Variants in TNFRSF1B observed in about 807,000 individuals in gnomAD.
TNFRSF1B encodes the protein TNF receptor superfamily member 1B, also known as tumor necrosis factor receptor superfamily member 1B.
TNFRSF1B carries 19 observed loss-of-function variants against 44.6 expected under a neutral mutation model. The observed-to-expected ratio is 0.43, with a 90% CI of 0.30 to 0.62. TNFRSF1B has a LOEUF of 0.62. Ranked by LOEUF, TNFRSF1B falls within the 20% of genes least tolerant of loss-of-function variation. The pLI, the probability that TNFRSF1B is intolerant of heterozygous loss-of-function variation, is 0.16. For missense variants in TNFRSF1B, 541 were observed against 619.9 expected (o/e 0.87, Z 1.35); for synonymous variants, 252 against 261.1 (o/e 0.97, Z 0.34).
intron 1 of TNFRSF1B, among the ~76,000 whole-genome samples, chr1:12,183,826 CCTATCTATCTAT>C (rs111395466): frequency 2.4e-5 from 3 of 124,386 alleles, no homozygotes; most frequent in African/African-American, 5.9e-5. Flanking sequence ...ATTCTATCTA[CCTATCTATCTAT>C]CTATCTATCT....
At chr1:12,183,656 T>TTATCTATCTATCTATCTATCTATCTATC (rs76161807) in intron 1 of TNFRSF1B, among the ~76,000 whole-genome samples, 1 of 125,280 alleles carries the variant, frequency 8.0e-6, no homozygotes, top group Non-Finnish European at 1.7e-5. Context: ...TTTATCTATT[T>TTATCTATCTATCTATCTATCTATCTATC]TATCTATCTA....
In TNFRSF1B at chr1:12,167,009, G is replaced by C; in HGVS notation, c.-83G>C. 1 of 1,044,974 alleles carries C rather than the reference G, an allele frequency of 9.6e-7. No homozygotes were observed. Among genetic ancestry groups the C allele is most frequent in the Non-Finnish European group, 1.2e-6 (1 of 814,422 alleles). The allele number at this position is 1,044,974 out of a possible 1,614,324, so 64.7% of individuals were successfully genotyped here. A position where few individuals can be genotyped will look rare whatever the true frequency, so the allele number is the denominator to read the frequency against. Reference sequence around the variant, plus strand: ...CGCTTTCAGTCGAGGGCTAGCGAGCGCAGCGGAGCCTGGAGAGAAGGCGCT... The same window carrying C: ...CGCTTTCAGTCGAGGGCTAGCGAGCCCAGCGGAGCCTGGAGAGAAGGCGCT... On this transcript the variant is annotated 5_prime_UTR_variant, in exon 1 of 10. Coordinates refer to ENST00000376259, the MANE Select transcript of TNFRSF1B (RefSeq NM_001066.3).
At chr1:12,176,020 C>G (rs1186807384) in intron 1 of TNFRSF1B, among the ~76,000 whole-genome samples, 5 of 151,366 alleles carry the variant, frequency 3.3e-5, no homozygotes, top group East Asian at 3.9e-4. Flanking sequence ...TTGGAGACCA[C>G]CCTGGCCAAC....
intron 1 of TNFRSF1B, among the ~76,000 whole-genome samples, chr1:12,173,937 C>T (rs961788394): frequency 4.6e-5 from 7 of 152,104 alleles, no homozygotes; most frequent in Non-Finnish European, 8.8e-5. Context: ...GAGGAAGTGT[C>T]TGTTCGCTGA....
chr1:12,202,158 C>G lies in TNFRSF1B; in HGVS notation c.1092C>G (p.Ser364Arg). 1 of 1,549,288 alleles carries G rather than the reference C, an allele frequency of 6.5e-7. No homozygotes were observed. Among genetic ancestry groups the G allele is most frequent in the Non-Finnish European group, 8.7e-7 (1 of 1,148,204 alleles). ...EASGAGEARASTGSSDSSPGG... is the reference protein window; with the variant it reads ...EASGAGEARARTGSSDSSPGG... ...GTGGGGCCGGGGAGGCCCGGGCCAG[C>G]ACCGGGAGCTCAGGTAAGAGGTGGG... is the stretch of plus-strand genomic sequence containing the variant. The change falls in exon 9 of 10, where the codon AGC (serine) becomes AGG (arginine). Residue 364 changes from serine (S) to arginine (R), a missense_variant. Transcript: ENST00000376259.
chr1:12,182,313 C>T (rs1638829932), intron 1 of TNFRSF1B, among the ~76,000 whole-genome samples: 1 of 152,192 alleles, frequency 6.6e-6, no homozygotes, highest in South Asian at 2.1e-4. Flanking sequence ...CTCACCCTCA[C>T]CCACCCGCTC....
At chr1:12,167,495 C>A (rs1638420191) in intron 1 of TNFRSF1B, 1 of 427,642 alleles carries the variant, frequency 2.3e-6, no homozygotes. Context: ...TGGGCAGACC[C>A]CCGCTAGACC....
At chr1:12,183,703 TCTA>T (rs1210894617) in intron 1 of TNFRSF1B, among the ~76,000 whole-genome samples, 1,245 of 116,818 alleles carry the variant, frequency 0.011, 19 homozygotes, top group African/African-American at 0.021. Context: ...TATCTATCTA[TCTA>T]TCTATTCTAT....
intron 6 of TNFRSF1B, among the ~76,000 whole-genome samples, chr1:12,193,578 A>C (rs575850686): frequency 2.0e-5 from 3 of 152,230 alleles, no homozygotes; most frequent in Non-Finnish European, 4.4e-5. Context: ...TCTCAAAAAC[A>C]AAACAAAACC....
At chr1:12,179,412 C>T (rs1638739998) in intron 1 of TNFRSF1B, among the ~76,000 whole-genome samples, 1 of 152,232 alleles carries the variant, frequency 6.6e-6, no homozygotes, top group African/African-American at 2.4e-5. Flanking sequence ...CCAAATGCCT[C>T]TGCTGCCTCC....
chr1:12,192,709 A>C (rs1357694340), intron 5 of TNFRSF1B, among the ~76,000 whole-genome samples, 154 bp from the exon 6 acceptor site: 5 of 137,950 alleles, frequency 3.6e-5, no homozygotes, highest in Non-Finnish European at 7.9e-5. Context: ...GGGTGGGTGC[A>C]TGGGGAGGTG....
In TNFRSF1B at chr1:12,192,259, C is replaced by T. The variant is rs28674597; in HGVS notation, c.458-172C>T. ...GTGTGTACAGGAATCTGTGTGTGTG[C>T]ATGTGTGTACAGGCATCTGTGTGTG... On this transcript the variant is annotated intron_variant, in intron 4 of 9. Coordinates refer to ENST00000376259, the MANE Select transcript of TNFRSF1B (RefSeq NM_001066.3). 5 of 712,362 alleles carry T rather than the reference C, an allele frequency of 7.0e-6. No homozygotes were observed. In the African/African-American group the frequency reaches 7.1e-5, roughly 10 times the overall value. The allele number at this position is 712,362 out of a possible 1,614,324, so 44.1% of individuals were successfully genotyped here. A position where few individuals can be genotyped will look rare whatever the true frequency, so the allele number is the denominator to read the frequency against.
rs113060175 is a variant in TNFRSF1B, at chr1:12,178,090, G to T, written c.79-10706G>T. On this transcript the variant is annotated intron_variant, in intron 1 of 9. Transcript: ENST00000376259. This position sits in a 1 kb window ranked among gnomAD's most constrained non-coding sequence, Gnocchi z 4.3. ...GTGGTGGTGGAGGAGACCGTGAGCC[G>T]CTGTCACCTGAACACTGGTGCACTC... 6.6e-6 allele frequency among the ~76,000 whole-genome samples: 1 copy of T among 152,222 alleles called. No individual in the cohort carries two copies. The highest frequency in any genetic ancestry group is 1.5e-5 in the Non-Finnish European group (1 of 68,044).
At chr1:12,179,212 G>C (rs1429483189) in intron 1 of TNFRSF1B, among the ~76,000 whole-genome samples, 1 of 152,182 alleles carries the variant, frequency 6.6e-6, no homozygotes, top group Non-Finnish European at 1.5e-5. Flanking sequence ...AGCGAGTCGG[G>C]AGTGGGATGT....
At position 12,180,751 on chromosome 1, in the gene TNFRSF1B, C is replaced by T. The variant is rs143425018; in HGVS notation, c.79-8045C>T. 2.9e-3 allele frequency among the ~76,000 whole-genome samples: 441 copies of T among 152,310 alleles called. No individual in the cohort carries two copies. The highest frequency in any genetic ancestry group is 0.01 in the African/African-American group (424 of 41,570). On this transcript the variant is annotated intron_variant, in intron 1 of 9. Transcript: ENST00000376259. This position sits in a 1 kb window ranked among gnomAD's most constrained non-coding sequence, Gnocchi z 4.3. ...CCTGACTGACCGGGTCAGCCTTACT[C>T]TTCCAGCGGGGTCTTTTCTTCCTGG...
At chr1:12,181,689 C>A (rs1413892683) in intron 1 of TNFRSF1B, among the ~76,000 whole-genome samples, 1 of 152,198 alleles carries the variant, frequency 6.6e-6, no homozygotes, top group Non-Finnish European at 1.5e-5. Flanking sequence ...CAGAAGTCGC[C>A]TGCTCGAGCT....
At chr1:12,206,713 A>G (rs2101131868) in intron 9 of TNFRSF1B, 27 bp from the exon 10 acceptor site, 1 of 1,537,774 alleles carries the variant, frequency 6.5e-7, no homozygotes, top group South Asian at 1.2e-5. Context: ...CCCCGGACTG[A>G]CCCCCACCCC....
rs1638714848 is a variant in TNFRSF1B, at chr1:12,178,546, A to C, written c.79-10250A>C. ...GCACGAGGGAACCAATAATTAACCA[A>C]AACTGGTCGGGTGTGGGCAGTATAG... On this transcript the variant is annotated intron_variant, in intron 1 of 9. Transcript: ENST00000376259. This position sits in a 1 kb window ranked among gnomAD's most constrained non-coding sequence, Gnocchi z 4.3. Among the ~76,000 whole-genome samples, 1 of 152,112 alleles carries C rather than the reference A, an allele frequency of 6.6e-6. No homozygotes were observed. Among genetic ancestry groups the C allele is most frequent in the South Asian group, 2.1e-4 (1 of 4,832 alleles).
chr1:12,180,062 G>A lies in TNFRSF1B; in HGVS notation c.79-8734G>A, dbSNP rs970506637. Among the ~76,000 whole-genome samples, 1 of 151,750 alleles carries A rather than the reference G, an allele frequency of 6.6e-6. No homozygotes were observed. The highest frequency in any genetic ancestry group is 2.0e-4 in the East Asian group (1 of 5,106). ...AGCGGGTAGATCCCTGCCCAGGGGG[G>A]ACCCCCTGGGGAAGGCTGGGAGCAT... is the stretch of plus-strand genomic sequence containing the variant. On this transcript the variant is annotated intron_variant, in intron 1 of 9. Transcript: ENST00000376259. This position sits in a 1 kb window ranked among gnomAD's most constrained non-coding sequence, Gnocchi z 4.3.
Sources: gnomAD v4.1 joint callset for allele counts (sites outside exome capture counted in the v4.1 genomes callset) on GRCh38, gnomAD v4.1.1 for gene constraint, Gnocchi (gnomAD v3.1) non-coding constraint, MANE v1.5 for transcripts, NCBI Gene and HGNC (gene_info 2026-07-23, HGNC 2026-07-21) for gene names.